Variants in GRIN2A observed in about 807,000 individuals in gnomAD.
The protein encoded by GRIN2A is glutamate ionotropic receptor NMDA type subunit 2A, also known as glutamate receptor ionotropic, NMDA 2A.
A neutral mutation model predicts 113.4 loss-of-function variants in GRIN2A; 22 were observed. That is an observed-to-expected ratio of 0.19 (90% CI 0.14 to 0.28). The LOEUF is 0.28. Ranked by LOEUF, GRIN2A falls within the 10% of genes least tolerant of loss-of-function variation. The pLI, the probability that GRIN2A is intolerant of heterozygous loss-of-function variation, is 1.00. For missense variants in GRIN2A, 1,502 were observed against 1,887.0 expected (o/e 0.80, Z 3.78); for synonymous variants, 827 against 738.4 (o/e 1.12, Z -1.94).
intron 4 of GRIN2A, among the ~76,000 whole-genome samples, chr16:9,853,156 T>C (rs1317529816): frequency 6.6e-6 from 1 of 152,140 alleles, no homozygotes; most frequent in African/African-American, 2.4e-5. Context: ...GAAGGAATTG[T>C]GGAGGAGCAG....
At chr16:9,851,952 C>T (rs2141374281) in intron 4 of GRIN2A, among the ~76,000 whole-genome samples, 1 of 152,328 alleles carries the variant, frequency 6.6e-6, no homozygotes, top group Non-Finnish European at 1.5e-5. Flanking sequence ...ACTGAACTGT[C>T]ACCTTACCTG....
At chr16:9,771,862 C>T (rs1164899056) in intron 11 of GRIN2A, among the ~76,000 whole-genome samples, 1 of 152,146 alleles carries the variant, frequency 6.6e-6, no homozygotes, top group African/African-American at 2.4e-5. Context: ...AACTCACATG[C>T]TCATTTGGGC....
intron 2 of GRIN2A, among the ~76,000 whole-genome samples, chr16:10,066,437 A>G (rs1027145083): frequency 1.3e-5 from 2 of 152,228 alleles, no homozygotes; most frequent in Non-Finnish European, 2.9e-5. Context: ...TTTGCAGAGT[A>G]AAAATGGTAC....
intron 4 of GRIN2A, among the ~76,000 whole-genome samples, chr16:9,855,336 T>C (rs1214753774): frequency 6.6e-6 from 1 of 152,196 alleles, no homozygotes; most frequent in Non-Finnish European, 1.5e-5. Context: ...ACAACAAACA[T>C]CTCTTAATGC....
At chr16:9,951,168 A>G (rs2141673223) in intron 2 of GRIN2A, among the ~76,000 whole-genome samples, 1 of 152,226 alleles carries the variant, frequency 6.6e-6, no homozygotes, top group African/African-American at 2.4e-5. Flanking sequence ...CTTCCTCTGG[A>G]AGCAATGCAT....
At chr16:9,796,431 A>G (rs1284231359) in intron 11 of GRIN2A, among the ~76,000 whole-genome samples, 1 of 152,172 alleles carries the variant, frequency 6.6e-6, no homozygotes, top group Non-Finnish European at 1.5e-5. Context: ...TTTGGCCCCA[A>G]TTCTTCAGCA....
intron 3 of GRIN2A, among the ~76,000 whole-genome samples, chr16:9,895,559 A>T (rs2043789259): frequency 6.6e-6 from 1 of 152,228 alleles, no homozygotes; most frequent in African/African-American, 2.4e-5. Flanking sequence ...CAAACAGATG[A>T]GGCTTTGTAG....
intron 2 of GRIN2A, among the ~76,000 whole-genome samples, chr16:10,113,306 C>G (rs2142154751): frequency 6.6e-6 from 1 of 152,328 alleles, no homozygotes; most frequent in Admixed American, 6.5e-5. Context: ...GCTGCCCCCT[C>G]AGCCATGTGG....
chr16:10,119,887 A>G (rs188026377), intron 2 of GRIN2A, among the ~76,000 whole-genome samples: 6 of 152,274 alleles, frequency 3.9e-5, no homozygotes, highest in Admixed American at 3.9e-4. Context: ...CTCTGGCTCC[A>G]TCCATGTTGC....
intron 4 of GRIN2A, among the ~76,000 whole-genome samples, chr16:9,859,352 A>G (rs1170575442): frequency 1.3e-5 from 2 of 152,192 alleles, no homozygotes; most frequent in East Asian, 1.9e-4. Flanking sequence ...CCGTGCATAC[A>G]TAAGTGTCTG....
At chr16:10,040,914 A>C (rs1463313268) in intron 2 of GRIN2A, among the ~76,000 whole-genome samples, 1 of 151,564 alleles carries the variant, frequency 6.6e-6, no homozygotes, top group Non-Finnish European at 1.5e-5. Flanking sequence ...AGCCAGGAAC[A>C]CTCCCCTCTG....
At chr16:10,031,651 A>G (rs566196902) in intron 2 of GRIN2A, 2 of 152,438 alleles carry the variant, frequency 1.3e-5, no homozygotes, top group East Asian at 1.9e-4. Flanking sequence ...TCTCCCCTGC[A>G]GCCAGTTCTC....
At position 10,176,861 on chromosome 16, in the gene GRIN2A, T is replaced by TA. The variant is rs980425372; in HGVS notation, c.414+3136dup. ...CTTAAAGTAAAAATAAAAATAAAAA[T>TA]AAAAAAAGTTAAAAAAATGTGTGTG... On this transcript the variant is annotated intron_variant, in intron 2 of 12. Transcript: ENST00000330684. 3.3e-5 allele frequency among the ~76,000 whole-genome samples: 5 copies of TA among 152,000 alleles called. No individual in the cohort carries two copies. In the South Asian group the frequency reaches 8.3e-4, roughly 25 times the overall value.
Position 9,938,220 on chromosome 16 carries a change from G to C in GRIN2A, c.746C>G (p.Thr249Ser), listed in dbSNP as rs759019028. 2 of 1,614,036 alleles carry C rather than the reference G, an allele frequency of 1.2e-6. No homozygotes were observed. The highest frequency in any genetic ancestry group is 1.1e-5 in the South Asian group (1 of 91,084). ...GACAATCCAGAAGAAATCATACCCG[G>C]TGAGGCCAAGGGAGCGGGCCTCACT... ...ILSEARSLGL[T>S]GYDFFWIVPS... Residue 249 changes from threonine to serine, a missense_variant, in exon 3 of 13, where the codon ACC becomes AGC. Thr to Ser is a moderately conservative substitution (Grantham distance 58, BLOSUM62 1). Transcript: ENST00000330684.
chr16:10,038,169 G>T (rs2076549243), intron 2 of GRIN2A, among the ~76,000 whole-genome samples: 1 of 152,154 alleles, frequency 6.6e-6, no homozygotes, highest in East Asian at 1.9e-4. Context: ...CAGCTTCCTG[G>T]ATTACAGGCA....
chr16:9,852,747 A>T (rs1259422000), intron 4 of GRIN2A, among the ~76,000 whole-genome samples: 3 of 152,218 alleles, frequency 2.0e-5, no homozygotes, highest in Non-Finnish European at 4.4e-5. Flanking sequence ...CGTATATACC[A>T]GATAAAGGAG....
intron 2 of GRIN2A, among the ~76,000 whole-genome samples, chr16:9,967,982 G>T (rs1042322562): frequency 1.3e-5 from 2 of 152,132 alleles, no homozygotes; most frequent in Non-Finnish European, 2.9e-5. Flanking sequence ...TTATGACTGC[G>T]GTTGGAATTC....
rs148415964 is a variant in GRIN2A, at chr16:10,056,529, G to T, written c.415-117978C>A. On this transcript the variant is annotated intron_variant, in intron 2 of 12. Transcript: ENST00000330684. ...TGAGCAGCATCCTTCAAAAATTCAT[G>T]CTCACTCAGAACCTAATAATATGAC... Among the ~76,000 whole-genome samples, 194 of 152,208 alleles carry T rather than the reference G, an allele frequency of 1.3e-3. 1 individual carries two copies. The highest frequency in any genetic ancestry group is 6.8e-3 in the Middle Eastern group (2 of 294).
At position 10,031,600 on chromosome 16, in the gene GRIN2A, G is replaced by C. The variant is rs78775462; in HGVS notation, c.415-93049C>G. On this transcript the variant is annotated intron_variant, in intron 2 of 12. Transcript: ENST00000330684. ...GTGCACAATAATTACCCATGGAATG[G>C]TGAATGTTTCTTAGCAACTGTAACT... 5.3e-3 allele frequency: 803 copies of C among 152,338 alleles called. 12 individuals are homozygous for C. Among genetic ancestry groups the C allele is most frequent in the African/African-American group, 0.019 (770 of 41,556 alleles). 9.4% of individuals were successfully genotyped at this position (152,338 alleles called of 1,614,324 possible).
Sources: gnomAD v4.1 joint callset for allele counts (sites outside exome capture counted in the v4.1 genomes callset) on GRCh38, gnomAD v4.1.1 for gene constraint, MANE v1.5 for transcripts, NCBI Gene and HGNC (gene_info 2026-07-23, HGNC 2026-07-21) for gene names.